Variants in FARP1 observed in about 807,000 individuals in gnomAD.
The protein encoded by FARP1 is FERM, ARHGEF and pleckstrin domain-containing protein 1.
A neutral mutation model predicts 128.8 loss-of-function variants in FARP1; 52 were observed. That is an observed-to-expected ratio of 0.40 (90% CI 0.32 to 0.51). The LOEUF (loss-of-function observed/expected upper bound fraction) is 0.51, where lower values mean the gene tolerates loss of function less well. Ranked by LOEUF, FARP1 falls within the 20% of genes least tolerant of loss-of-function variation. The pLI is 0.45. For synonymous variants in FARP1, 580 were observed against 551.8 expected, an observed-to-expected ratio of 1.05 and a Z score of -0.72; for missense variants, 1,333 against 1,367.9, an observed-to-expected ratio of 0.97 and a Z score of 0.40.
chr13:98,151,851 G>A (rs1033872388), intron 1 of FARP1, among the ~76,000 whole-genome samples: 6 of 151,020 alleles, frequency 4.0e-5, no homozygotes, highest in African/African-American at 1.5e-4. Context: ...TAGTAGAGAG[G>A]GGGTTTCATC....
chr13:98,167,989 G>A (rs1479641039), intron 1 of FARP1, among the ~76,000 whole-genome samples: 4 of 151,714 alleles, frequency 2.6e-5, no homozygotes, highest in African/African-American at 7.3e-5. Context: ...TGGCTAACAC[G>A]GTGAAACCCC....
chr13:98,279,014 T>G (rs1239515972), intron 2 of FARP1, among the ~76,000 whole-genome samples: 1 of 150,784 alleles, frequency 6.6e-6, no homozygotes, highest in African/African-American at 2.5e-5. Flanking sequence ...TTTTTGTATT[T>G]TTAGTAGAAA....
chr13:98,163,353 G>GT (rs1877017604), intron 1 of FARP1, among the ~76,000 whole-genome samples: 1 of 152,116 alleles, frequency 6.6e-6, no homozygotes, highest in Admixed American at 6.5e-5. Flanking sequence ...AGCAGGAAAA[G>GT]TAACTGTTGG....
At chr13:98,148,585 C>CT (rs1875747910) in intron 1 of FARP1, among the ~76,000 whole-genome samples, 1 of 152,186 alleles carries the variant, frequency 6.6e-6, no homozygotes, top group Non-Finnish European at 1.5e-5. Flanking sequence ...CCTTTTTGTA[C>CT]TTTGAAGCTT....
intron 19 of FARP1, among the ~76,000 whole-genome samples, chr13:98,437,595 C>T (rs892278390): frequency 1.2e-4 from 19 of 152,220 alleles, no homozygotes; most frequent in African/African-American, 4.3e-4. Context: ...GATAACGCCG[C>T]GGTTGCAGCG....
intron 5 of FARP1, among the ~76,000 whole-genome samples, chr13:98,376,331 T>A (rs1889581202): frequency 6.6e-6 from 1 of 152,192 alleles, no homozygotes; most frequent in African/African-American, 2.4e-5. Context: ...TGAGTTCAAT[T>A]GTTTTAATTT....
intron 2 of FARP1, among the ~76,000 whole-genome samples, chr13:98,306,129 G>C (rs972060343): frequency 6.6e-6 from 1 of 152,132 alleles, no homozygotes; most frequent in Non-Finnish European, 1.5e-5. Flanking sequence ...TGATTGCAAC[G>C]TTTGCGCTTT....
intron 2 of FARP1, among the ~76,000 whole-genome samples, chr13:98,315,653 T>G (rs1371837857): frequency 6.6e-6 from 1 of 152,084 alleles, no homozygotes; most frequent in Non-Finnish European, 1.5e-5. Flanking sequence ...ACGGCCGTGC[T>G]TAGGAGCTCA....
intron 1 of FARP1, among the ~76,000 whole-genome samples, chr13:98,177,651 TAAAAA>T (rs1176501875): frequency 8.9e-6 from 1 of 111,974 alleles, no homozygotes; most frequent in Non-Finnish European, 2.0e-5. Context: ...TGTCTCAAAT[TAAAAA>T]AAAAAAAACC....
chr13:98,415,922 G>T lies in FARP1; in HGVS notation c.1826+3888G>T, dbSNP rs568284753. 3.3e-5 allele frequency among the ~76,000 whole-genome samples: 5 copies of T among 152,368 alleles called. No homozygotes were observed. In the South Asian group the frequency reaches 1.0e-3, roughly 32 times the overall value. Reference sequence around the variant, plus strand: ...CTGTAGGTGTGGGCCTCGTTGAACCGCATTTCCTCCTGGGTGAAATGTGGA... The same window carrying T: ...CTGTAGGTGTGGGCCTCGTTGAACCTCATTTCCTCCTGGGTGAAATGTGGA... On this transcript the variant is annotated intron_variant, in intron 16 of 26. Coordinates refer to ENST00000319562, the MANE Select transcript of FARP1 (RefSeq NM_005766.4).
chr13:98,294,183 T>C (rs1313814384), intron 2 of FARP1, among the ~76,000 whole-genome samples: 6 of 152,174 alleles, frequency 3.9e-5, no homozygotes, highest in Non-Finnish European at 8.8e-5. Context: ...CCCTTGGCCC[T>C]CCTTCTCACT....
At chr13:98,350,783 G>T (rs150848713) in intron 3 of FARP1, among the ~76,000 whole-genome samples, 42 of 152,204 alleles carry the variant, frequency 2.8e-4, no homozygotes, top group African/African-American at 1.0e-3. Context: ...AATTCTTAGA[G>T]ATGGCAAATG....
intron 18 of FARP1, 194 bp downstream of exon 18, chr13:98,431,474 T>TG: frequency 1.9e-6 from 1 of 522,734 alleles, no homozygotes; most frequent in Non-Finnish European, 3.4e-6. Flanking sequence ...TTTTTTTTTT[T>TG]TTTTTGAGAC....
intron 2 of FARP1, among the ~76,000 whole-genome samples, chr13:98,259,882 A>AGTGTGTGTGTGTGTGTGTGTGTGTGTGT (rs60886784): frequency 1.6e-5 from 2 of 128,770 alleles, no homozygotes; most frequent in South Asian, 3.1e-4. Context: ...ATACCTGAAA[A>AGTGTGTGTGTGTGTGTGTGTGTGTGTGT]GTGTGTGTGT....
intron 6 of FARP1, chr13:98,384,385 G>A: frequency 4.5e-6 from 1 of 223,768 alleles, no homozygotes; most frequent in East Asian, 9.8e-5. Flanking sequence ...TAGAGACGAG[G>A]TTTCGCCATG....
chr13:98,150,704 G>C (rs1367977368), intron 1 of FARP1, among the ~76,000 whole-genome samples: 1 of 152,122 alleles, frequency 6.6e-6, no homozygotes, highest in Non-Finnish European at 1.5e-5. Flanking sequence ...TCCATTTACT[G>C]GATGGCGATG....
chr13:98,428,750 G>A (rs1222546293), intron 17 of FARP1, among the ~76,000 whole-genome samples: 1 of 152,124 alleles, frequency 6.6e-6, no homozygotes, highest in African/African-American at 2.4e-5. Flanking sequence ...GCATTGCTTC[G>A]TTGGCTCTTT....
intron 2 of FARP1, among the ~76,000 whole-genome samples, chr13:98,339,585 T>G (rs921534988): frequency 6.6e-6 from 1 of 152,190 alleles, no homozygotes; most frequent in African/African-American, 2.4e-5. Flanking sequence ...CGGAGTTTCC[T>G]TACAACCATA....
intron 24 of FARP1, chr13:98,445,664 GCCC>G (rs1298077417): frequency 6.5e-6 from 1 of 153,822 alleles, no homozygotes; most frequent in African/African-American, 2.4e-5. Flanking sequence ...GGGGTCCTGC[GCCC>G]CCATTTCTGC....
Sources: allele counts gnomAD v4.1 joint callset (sites outside exome capture counted in the v4.1 genomes callset), GRCh38; gene constraint gnomAD v4.1.1; transcripts MANE v1.5; gene names NCBI Gene and HGNC (gene_info 2026-07-23, HGNC 2026-07-21).